LRP1B: variants seen among roughly 807,000 people sequenced by gnomAD.
LRP1B encodes low-density lipoprotein receptor-related protein 1B.
LRP1B carries 217 observed loss-of-function variants against 556.6 expected under a neutral mutation model. The observed-to-expected ratio is 0.39, with a 90% CI of 0.35 to 0.44. LRP1B has a LOEUF of 0.44. Ranked by LOEUF, LRP1B falls within the 20% of genes least tolerant of loss-of-function variation. The pLI, the probability that LRP1B is intolerant of heterozygous loss-of-function variation, is 1.00. For missense variants in LRP1B, 5,053 were observed against 5,620.8 expected (o/e 0.90, Z 3.23); for synonymous variants, 2,047 against 1,865.8 (o/e 1.10, Z -2.50).
At position 141,159,590 on chromosome 2, in the gene LRP1B, G is replaced by A. The variant is rs78825086; in HGVS notation, c.1013+28831C>T. Among the ~76,000 whole-genome samples, 471 of 152,092 alleles carry A rather than the reference G, an allele frequency of 3.1e-3. 1 individual carries two copies. The highest frequency in any genetic ancestry group is 0.011 in the African/African-American group (446 of 41,494). The stretch of plus-strand genomic sequence containing the variant: ...CGAGGGTAATTCTTAAAAAGCAAAG[G>A]TAATTAATCGAAAGACAATTGGAAA... On this transcript the variant is annotated intron_variant, in intron 7 of 90. Coordinates refer to ENST00000389484, the MANE Select transcript of LRP1B (RefSeq NM_018557.3).
chr2:140,267,755 G>T (rs981109630), intron 86 of LRP1B, among the ~76,000 whole-genome samples: 1 of 151,926 alleles, frequency 6.6e-6, no homozygotes, highest in Non-Finnish European at 1.5e-5. Flanking sequence ...AGGCATAGAA[G>T]ACCAAGGTAC....
chr2:140,482,956 T>G (rs1364761305), intron 59 of LRP1B, among the ~76,000 whole-genome samples: 1 of 152,174 alleles, frequency 6.6e-6, no homozygotes, highest in Admixed American at 6.5e-5. Flanking sequence ...AGTTTTCATT[T>G]TTTGAAGCAA....
chr2:140,601,412 T>A, intron 42 of LRP1B, 38 bp downstream of exon 42: 1 of 1,437,050 alleles, frequency 7.0e-7, no homozygotes, highest in Non-Finnish European at 9.5e-7. Flanking sequence ...TTTTGACTTA[T>A]AACTATAATG....
At chr2:140,697,461 A>G (rs1333198634) in intron 41 of LRP1B, among the ~76,000 whole-genome samples, 1 of 151,914 alleles carries the variant, frequency 6.6e-6, no homozygotes, top group African/African-American at 2.4e-5. Flanking sequence ...CGTTTTTTTC[A>G]TCATCTTATC....
chr2:140,890,841 C>T (rs1276006459), intron 23 of LRP1B, among the ~76,000 whole-genome samples: 2 of 151,712 alleles, frequency 1.3e-5, no homozygotes, highest in African/African-American at 4.8e-5. Context: ...TTAAATGAAA[C>T]CTTGTAAAAA....
chr2:140,362,681 C>CCCAACCT (rs1230429474), intron 72 of LRP1B, among the ~76,000 whole-genome samples: 4 of 151,600 alleles, frequency 2.6e-5, no homozygotes, highest in African/African-American at 9.7e-5. Context: ...CACTTTCACT[C>CCCAACCT]CCAACCTCAA....
chr2:142,083,461 T>C (rs1255071467), intron 1 of LRP1B, among the ~76,000 whole-genome samples: 1 of 152,214 alleles, frequency 6.6e-6, no homozygotes, highest in Non-Finnish European at 1.5e-5. Context: ...GAATGTTTTA[T>C]TGTGCTTAAT....
chr2:140,627,877 C>A (rs1683724879), intron 41 of LRP1B, among the ~76,000 whole-genome samples: 1 of 150,848 alleles, frequency 6.6e-6, no homozygotes, highest in Admixed American at 6.6e-5. Flanking sequence ...AGTTAAATGG[C>A]AAAAGGATAG....
rs1465861731 is a variant in LRP1B at position 141,044,022 on chromosome 2, C to T, written c.1789+4964G>A. ...TCACACTACCTGACTTCAAACTATA[C>T]TACAAGGCTACAGTAACCAAAACAG... On this transcript the variant is annotated intron_variant, in intron 11 of 90. Transcript: ENST00000389484. 2.0e-5 allele frequency among the ~76,000 whole-genome samples: 3 copies of T among 151,906 alleles called. 1 individual carries two copies. The highest frequency in any genetic ancestry group is 4.4e-5 in the Non-Finnish European group (3 of 67,920).
In LRP1B at chr2:142,006,855, T is replaced by C. The variant is rs895700430; in HGVS notation, c.82+123793A>G. On this transcript the variant is annotated intron_variant, in intron 1 of 90. Coordinates refer to ENST00000389484, the MANE Select transcript of LRP1B (RefSeq NM_018557.3). ...TTCTAAAGTTGGAAAGATGGGATTT[T>C]AGACTATTTTTAACATGTTTTCTCT... is the stretch of plus-strand genomic sequence containing the variant. 2.6e-5 allele frequency among the ~76,000 whole-genome samples: 4 copies of C among 152,308 alleles called. No homozygotes were observed. In the East Asian group the frequency reaches 7.7e-4, roughly 29 times the overall value.
intron 77 of LRP1B, among the ~76,000 whole-genome samples, chr2:140,349,544 T>C (rs1681863977): frequency 6.6e-6 from 1 of 151,888 alleles, no homozygotes; most frequent in Non-Finnish European, 1.5e-5. Context: ...AATTTTAGTA[T>C]ATAGTTAATA....
At chr2:140,835,908 A>G (rs1209531233) in intron 31 of LRP1B, among the ~76,000 whole-genome samples, 3 of 152,114 alleles carry the variant, frequency 2.0e-5, no homozygotes, top group Non-Finnish European at 2.9e-5. Flanking sequence ...ACAGTTGAAT[A>G]CCTTTTTTGT....
intron 31 of LRP1B, among the ~76,000 whole-genome samples, chr2:140,826,305 G>A (rs1018740242): frequency 3.3e-5 from 5 of 152,136 alleles, no homozygotes; most frequent in African/African-American, 1.2e-4. Flanking sequence ...GAGTTTGCCT[G>A]TTCTCCCCAT....
chr2:140,323,736 GGTAAGTTGAAAAAGTC>G (rs1232673176), intron 81 of LRP1B, among the ~76,000 whole-genome samples, 141 bp downstream of exon 81: 1 of 151,786 alleles, frequency 6.6e-6, no homozygotes, highest in Non-Finnish European at 1.5e-5. Context: ...TCTATAGTTT[GGTAAGTTGAAAAAGTC>G]TAGTGACATC....
chr2:140,358,296 C>T (rs933271410), intron 73 of LRP1B, among the ~76,000 whole-genome samples, 180 bp from the exon 74 acceptor site: 1 of 151,616 alleles, frequency 6.6e-6, no homozygotes, highest in Non-Finnish European at 1.5e-5. Context: ...AGAAAAGTAA[C>T]TGTGTGTTTA....
intron 9 of LRP1B, among the ~76,000 whole-genome samples, chr2:141,056,611 C>T (rs987575187): frequency 1.3e-5 from 2 of 151,890 alleles, no homozygotes; most frequent in African/African-American, 2.4e-5. Context: ...GAAGCTTCAT[C>T]TCAGTCTCTT....
Position 140,233,080 on chromosome 2 carries a change from A to G in LRP1B, c.*106T>C. On this transcript the variant is annotated 3_prime_UTR_variant, in exon 91 of 91. Coordinates refer to ENST00000389484, the MANE Select transcript of LRP1B (RefSeq NM_018557.3). ...AAAACAATTAACCAGGAAAAAGATA[A>G]AGAAAGAGGTAATGCTGATGCCAAA... 1 of 669,720 alleles carries G rather than the reference A, an allele frequency of 1.5e-6. No individual in the cohort carries two copies. Among genetic ancestry groups the G allele is most frequent in the Non-Finnish European group, 2.2e-6 (1 of 451,616 alleles). 41.5% of individuals were successfully genotyped at this position (669,720 alleles called of 1,614,324 possible). A position where few individuals can be genotyped will look rare whatever the true frequency, so the allele number is the denominator to read the frequency against.
intron 41 of LRP1B, among the ~76,000 whole-genome samples, chr2:140,628,709 T>C (rs1047996697): frequency 6.6e-6 from 1 of 152,158 alleles, no homozygotes; most frequent in African/African-American, 2.4e-5. Context: ...GTGTATATTA[T>C]GGTTAGGATT....
chr2:141,400,769 T>A (rs1690422954), intron 3 of LRP1B, among the ~76,000 whole-genome samples: 1 of 152,194 alleles, frequency 6.6e-6, no homozygotes, highest in Admixed American at 6.5e-5. Context: ...ACCAAGCACA[T>A]CAAATATTTA....
Sources: allele counts gnomAD v4.1 joint callset (sites outside exome capture counted in the v4.1 genomes callset), GRCh38; gene constraint gnomAD v4.1.1; transcripts MANE v1.5; gene names NCBI Gene and HGNC (gene_info 2026-07-23, HGNC 2026-07-21).